The following LHX9 variants were observed in gnomAD, a reference collection of about 807,000 sequenced individuals.
LHX9 encodes LIM/homeobox protein Lhx9.
A neutral mutation model predicts 36.5 loss-of-function variants in LHX9; 9 were observed. The observed-to-expected ratio is 0.25, with a 90% CI of 0.15 to 0.43. The LOEUF (loss-of-function observed/expected upper bound fraction) is 0.43. LHX9 is among the 20% of genes least tolerant of loss of function. LHX9 has a pLI of 1.00. For synonymous variants in LHX9, 211 were observed against 212.1 expected (o/e 0.99, Z 0.04); for missense variants, 464 against 526.4 (o/e 0.88, Z 1.16).
At chr1:197,914,859 A>G (rs1382360001), upstream of LHX9, among the ~76,000 whole-genome samples, 4 of 152,216 alleles carry the variant, frequency 2.6e-5, 1 homozygote, top group South Asian at 6.2e-4. Context: ...TAAGAGCAGG[A>G]ATAGCTAGGA....
At position 197,929,333 on chromosome 1, in the gene LHX9, T is replaced by C. The variant is rs1660258774; in HGVS notation, c.*74T>C. ...ATTATTCTAATTATTATTATTTTAT[T>C]ATTTACAAGACTTTTTTTTTCTTCT... On this transcript the variant is annotated 3_prime_UTR_variant, in exon 5 of 5. Coordinates refer to ENST00000367387, the MANE Select transcript of LHX9 (RefSeq NM_020204.3). 8.4e-7 allele frequency: 1 copy of C among 1,185,112 alleles called. No individual in the cohort carries two copies. The highest frequency in any genetic ancestry group is 1.1e-6 in the Non-Finnish European group (1 of 946,166). The allele number at this position is 1,185,112 out of a possible 1,614,324, so 73.4% of individuals were successfully genotyped here.
At chr1:197,918,095 C>A (rs1032657450) in intron 1 of LHX9, 98 bp downstream of exon 1, 25 of 1,342,232 alleles carry the variant, frequency 1.9e-5, no homozygotes, top group Non-Finnish European at 2.5e-5. Context: ...AGCGGCGGGT[C>A]GTAGAGACGT....
rs1660273111 is a variant in LHX9 at position 197,929,723 on chromosome 1, G to A, written c.*464G>A. 1 of 943,552 alleles carries A rather than the reference G, an allele frequency of 1.1e-6. No individual in the cohort carries two copies. Among genetic ancestry groups the A allele is most frequent in the Non-Finnish European group, 1.3e-6 (1 of 791,662 alleles). The allele number at this position is 943,552 out of a possible 1,614,324, so 58.4% of individuals were successfully genotyped here. ...ATTGTATGTGTGATTATGGAGTTTT[G>A]AAAACGTTACATTTTTTAAATCTTA... is the stretch of plus-strand genomic sequence containing the variant. On this transcript the variant is annotated 3_prime_UTR_variant, in exon 5 of 5. Coordinates refer to ENST00000367387, the MANE Select transcript of LHX9 (RefSeq NM_020204.3).
upstream of LHX9, chr1:197,916,852 AT>A: frequency 1.4e-6 from 1 of 690,404 alleles, no homozygotes; most frequent in Non-Finnish European, 2.6e-6. Flanking sequence ...ACCTCAGTAA[AT>A]TGCTTACATT....
At chr1:197,920,485 C>T (rs368264118) in intron 2 of LHX9, among the ~76,000 whole-genome samples, 1 of 152,156 alleles carries the variant, frequency 6.6e-6, no homozygotes, top group East Asian at 1.9e-4. Flanking sequence ...TCTCCGTCTA[C>T]CGAGACTTGA....
rs1660301199 is a variant in LHX9 at position 197,930,527 on chromosome 1, AAAG to A, written c.*1272_*1274del. The A allele has an allele frequency of 6.6e-6, 1 of 152,076 alleles. No individual in the cohort carries two copies. The highest frequency in any genetic ancestry group is 2.4e-5 in the African/African-American group (1 of 41,446). 9.4% of individuals were successfully genotyped at this position (152,076 alleles called of 1,614,324 possible). On this transcript the variant is annotated 3_prime_UTR_variant, in exon 5 of 5. Coordinates refer to ENST00000367387, the MANE Select transcript of LHX9 (RefSeq NM_020204.3). ...ATTGTGGATTTCCTAAAAAAATAAA[AAAG>A]AAGTCAAGATATATGTCTTGCTTTA...
chr1:197,912,814 G>C (rs919975945), upstream of LHX9: 6 of 540,320 alleles, frequency 1.1e-5, no homozygotes, highest in Middle Eastern at 5.0e-4. Context: ...ATCAGTGTCC[G>C]GGGCGCCAGG....
Position 197,921,681 on chromosome 1 carries a change from C to A in LHX9, c.733+22C>A. On this transcript the variant is annotated intron_variant, in intron 3 of 4. Coordinates refer to ENST00000367387, the MANE Select transcript of LHX9 (RefSeq NM_020204.3). The surrounding 1 kb of genome is among the most constrained non-coding windows in gnomAD (Gnocchi z 4.6). ...TCAGGTGTGCCTCCTATCCTCACCC[C>A]CGGCGCAGCCCCGGCCTCCCTGAGG... 6.6e-7 allele frequency: 1 copy of A among 1,526,394 alleles called. No individual in the cohort carries two copies. 94.6% of individuals were successfully genotyped at this position (1,526,394 alleles called of 1,614,324 possible). A position where few individuals can be genotyped will look rare whatever the true frequency, so the allele number is the denominator to read the frequency against.
chr1:197,928,978 A>G (rs760841898), intron 4 of LHX9, 24 bp from the exon 5 acceptor site: 8 of 1,526,814 alleles, frequency 5.2e-6, no homozygotes, highest in Non-Finnish European at 7.1e-6. Flanking sequence ...ATCGGTAAAG[A>G]AATCAATTGG....
At chr1:197,915,283 A>G (rs1659713377), upstream of LHX9, among the ~76,000 whole-genome samples, 2 of 152,200 alleles carry the variant, frequency 1.3e-5, no homozygotes. Context: ...GGGACTTCTC[A>G]GAGACTCCTC....
chr1:197,917,407 C>T lies in LHX9; in HGVS notation c.-417C>T. ...CCAATCTACAGGCACTGGGAACTTG[C>T]AAGCAGCCAGGGAACGCTGAAAATA... On this transcript the variant is annotated 5_prime_UTR_variant, in exon 1 of 5. Coordinates refer to ENST00000367387, the MANE Select transcript of LHX9 (RefSeq NM_020204.3). The T allele has an allele frequency of 7.6e-7, 1 of 1,308,790 alleles. No homozygotes were observed. The highest frequency in any genetic ancestry group is 1.0e-6 in the Non-Finnish European group (1 of 992,154). The allele number at this position is 1,308,790 out of a possible 1,614,324, so 81.1% of individuals were successfully genotyped here. A position where few individuals can be genotyped will look rare whatever the true frequency, so the allele number is the denominator to read the frequency against.
Position 197,929,819 on chromosome 1 carries a change from A to G in LHX9, c.*560A>G, listed in dbSNP as rs572754562. 1 of 944,818 alleles carries G rather than the reference A, an allele frequency of 1.1e-6. No individual in the cohort carries two copies. Among genetic ancestry groups the G allele is most frequent in the African/African-American group, 1.8e-5 (1 of 56,536 alleles). 58.5% of individuals were successfully genotyped at this position (944,818 alleles called of 1,614,324 possible). A position where few individuals can be genotyped will look rare whatever the true frequency, so the allele number is the denominator to read the frequency against. ...TTAATTCAAGTGAGGAATATGATGA[A>G]ATAAAAGCATTAACTACAGACATTT... On this transcript the variant is annotated 3_prime_UTR_variant, in exon 5 of 5. Coordinates refer to ENST00000367387, the MANE Select transcript of LHX9 (RefSeq NM_020204.3).
chr1:197,921,751 G>C lies in LHX9; in HGVS notation c.733+92G>C. 1.8e-6 allele frequency: 2 copies of C among 1,116,196 alleles called. No homozygotes were observed. The highest frequency in any genetic ancestry group is 1.2e-6 in the Non-Finnish European group (1 of 801,738). The allele number at this position is 1,116,196 out of a possible 1,614,324, so 69.1% of individuals were successfully genotyped here. On this transcript the variant is annotated intron_variant, in intron 3 of 4. Coordinates refer to ENST00000367387, the MANE Select transcript of LHX9 (RefSeq NM_020204.3). The surrounding 1 kb of genome is among the most constrained non-coding windows in gnomAD (Gnocchi z 4.6). ...CCCCGTCCAAAGTCTTGCTGCAAGA[G>C]TGTGTTTTGCCCAATGCCTCTGTTC...
Position 197,920,279 on chromosome 1 carries a change from G to A in LHX9, c.377+105G>A, listed in dbSNP as rs1659941467. ...TCCCCTACCTTTTGCCCCATTCCGGGTGCTGTTATCATTTCGGAGACCAGG... is the reference window on the plus strand; with the variant it reads ...TCCCCTACCTTTTGCCCCATTCCGGATGCTGTTATCATTTCGGAGACCAGG... On this transcript the variant is annotated intron_variant, in intron 2 of 4. Transcript: ENST00000367387. 26 of 1,050,998 alleles carry A rather than the reference G, an allele frequency of 2.5e-5. No individual in the cohort carries two copies. In the South Asian group the frequency reaches 3.6e-4, roughly 14 times the overall value. The allele number at this position is 1,050,998 out of a possible 1,614,324, so 65.1% of individuals were successfully genotyped here. A position where few individuals can be genotyped will look rare whatever the true frequency, so the allele number is the denominator to read the frequency against.
chr1:197,919,465 C>G (rs1210212229), intron 1 of LHX9, among the ~76,000 whole-genome samples: 2 of 152,228 alleles, frequency 1.3e-5, no homozygotes, highest in African/African-American at 4.8e-5. Context: ...AAATTATGAG[C>G]AGAGGTCCAA....
intron 3 of LHX9, among the ~76,000 whole-genome samples, chr1:197,922,013 C>T (rs1660006700): frequency 6.6e-6 from 1 of 151,582 alleles, no homozygotes; most frequent in Non-Finnish European, 1.5e-5. Flanking sequence ...TTTGTGGAGG[C>T]CAAATTATAG....
chr1:197,919,652 T>G (rs1311870715), intron 1 of LHX9, among the ~76,000 whole-genome samples: 1 of 152,254 alleles, frequency 6.6e-6, no homozygotes, highest in African/African-American at 2.4e-5. Context: ...CTTGTAATTA[T>G]TTGAATTCGG....
At position 197,930,469 on chromosome 1, in the gene LHX9, A is replaced by G. The variant is rs916683254; in HGVS notation, c.*1210A>G. 4 of 151,982 alleles carry G rather than the reference A, an allele frequency of 2.6e-5. No homozygotes were observed. Among genetic ancestry groups the G allele is most frequent in the African/African-American group, 9.7e-5 (4 of 41,418 alleles). The allele number at this position is 151,982 out of a possible 1,614,324, so 9.4% of individuals were successfully genotyped here. On this transcript the variant is annotated 3_prime_UTR_variant, in exon 5 of 5. Transcript: ENST00000367387. ...TCTGGGCAGTGGTGAATGTTCATCT[A>G]TTACGCTTCTGTTGTAGTTAAATAC...
upstream of LHX9, chr1:197,916,679 A>G (rs1482590227): frequency 2.8e-6 from 2 of 702,932 alleles, no homozygotes; most frequent in East Asian, 5.4e-5. Context: ...ACCCTGAGAA[A>G]TGCAGACGCT....
Sources: allele counts gnomAD v4.1 joint callset (sites outside exome capture counted in the v4.1 genomes callset), GRCh38; gene constraint gnomAD v4.1.1; non-coding constraint Gnocchi (gnomAD v3.1); transcripts MANE v1.5; gene names NCBI Gene and HGNC (gene_info 2026-07-23, HGNC 2026-07-21).